Variants in STK32B observed in about 807,000 individuals in gnomAD.
The protein encoded by STK32B is serine/threonine-protein kinase 32B.
A neutral mutation model predicts 52.6 loss-of-function variants in STK32B; 43 were observed. The ratio of observed to expected loss-of-function variants is 0.82; its 90% CI spans 0.64 to 1.05. The LOEUF (loss-of-function observed/expected upper bound fraction) is 1.05, where lower values mean the gene tolerates loss of function less well. Ranked by LOEUF, STK32B falls within the 50% of genes least tolerant of loss-of-function variation. The pLI is 0.00. For missense variants in STK32B, 621 were observed against 534.6 expected (o/e 1.16, Z -1.59); for synonymous variants, 238 against 204.3 (o/e 1.17, Z -1.41).
At chr4:5,443,972 C>A (rs1192843393) in intron 6 of STK32B, among the ~76,000 whole-genome samples, 1 of 152,202 alleles carries the variant, frequency 6.6e-6, no homozygotes, top group Non-Finnish European at 1.5e-5. Context: ...AGATCTCCAG[C>A]TGCGTGCTGG....
rs75050325 is a variant in STK32B at position 5,107,520 on chromosome 4, A to C, written c.53-32385A>C. On this transcript the variant is annotated intron_variant, in intron 1 of 11. Coordinates refer to ENST00000282908, the MANE Select transcript of STK32B (RefSeq NM_018401.3). ...GGAGTTAGGCAGGGACAATCTTATG[A>C]GGGTAAAATCCCTCATCAACTTTCC... Among the ~76,000 whole-genome samples the C allele has an allele frequency of 9.6e-3, 1,456 of 152,276 alleles. 20 individuals carry two copies. The highest frequency in any genetic ancestry group is 0.032 in the African/African-American group (1,344 of 41,562).
chr4:5,287,893 C>G (rs1728654459), intron 3 of STK32B, among the ~76,000 whole-genome samples: 1 of 152,114 alleles, frequency 6.6e-6, no homozygotes, highest in African/African-American at 2.4e-5. Flanking sequence ...TAAAAGAAAT[C>G]TGATCTCCAT....
intron 3 of STK32B, among the ~76,000 whole-genome samples, chr4:5,178,426 G>A (rs560843462): frequency 6.6e-6 from 1 of 152,294 alleles, no homozygotes; most frequent in Admixed American, 6.5e-5. Context: ...GTGATGGGAG[G>A]GGCTGCTGTG....
intron 4 of STK32B, among the ~76,000 whole-genome samples, chr4:5,382,989 G>A (rs1178077932): frequency 6.6e-6 from 1 of 152,162 alleles, no homozygotes; most frequent in Non-Finnish European, 1.5e-5. Context: ...GATACTCACA[G>A]AGAGATTGGG....
chr4:5,375,397 G>A (rs967652841), intron 4 of STK32B, among the ~76,000 whole-genome samples: 2 of 152,116 alleles, frequency 1.3e-5, no homozygotes, highest in Non-Finnish European at 2.9e-5. Flanking sequence ...TAGACTTGTT[G>A]ATAAATCTGC....
chr4:5,338,565 C>G (rs1732859814), intron 4 of STK32B, among the ~76,000 whole-genome samples: 1 of 151,292 alleles, frequency 6.6e-6, no homozygotes, highest in Non-Finnish European at 1.5e-5. Flanking sequence ...GTCCAAATTC[C>G]CTGAGACACT....
At chr4:5,187,733 A>G (rs1413734559) in intron 3 of STK32B, among the ~76,000 whole-genome samples, 2 of 152,148 alleles carry the variant, frequency 1.3e-5, no homozygotes, top group African/African-American at 4.8e-5. Context: ...ATTTCTGAAG[A>G]TTTAGCATTT....
At chr4:5,097,561 A>G (rs1387166861) in intron 1 of STK32B, among the ~76,000 whole-genome samples, 2 of 152,190 alleles carry the variant, frequency 1.3e-5, no homozygotes, top group East Asian at 3.9e-4. Flanking sequence ...TTTAGCTTCC[A>G]GACACCAGAT....
chr4:5,496,449 AG>A (rs1440445333), intron 11 of STK32B, among the ~76,000 whole-genome samples: 7 of 152,092 alleles, frequency 4.6e-5, no homozygotes, highest in African/African-American at 1.7e-4. Flanking sequence ...TTGGGGTGGG[AG>A]TGACCCGATT....
intron 3 of STK32B, among the ~76,000 whole-genome samples, chr4:5,266,665 TCTTAG>T (rs1233203925): frequency 6.6e-6 from 1 of 152,216 alleles, no homozygotes; most frequent in Non-Finnish European, 1.5e-5. Flanking sequence ...CACTTATCTC[TCTTAG>T]CTTGGCTTGC....
intron 2 of STK32B, among the ~76,000 whole-genome samples, chr4:5,158,743 C>T (rs989577966): frequency 6.6e-5 from 10 of 152,126 alleles, no homozygotes; most frequent in Non-Finnish European, 7.4e-5. Context: ...CTTCTCCCTG[C>T]GTCCTCACAT....
chr4:5,049,878 C>T (rs1451322925), upstream of STK32B, among the ~76,000 whole-genome samples: 4 of 152,188 alleles, frequency 2.6e-5, no homozygotes, highest in African/African-American at 7.2e-5. Flanking sequence ...TGAGCCCCCA[C>T]GCCCGGCCTA....
chr4:5,398,147 C>G lies in STK32B; in HGVS notation c.435-60C>G, dbSNP rs1055249656. ...GCATTTGTCCTGATGTGGTGCTTGTCTATGTGCTCATCTGTGGGCTCAGGA... is the reference window on the plus strand; with the variant it reads ...GCATTTGTCCTGATGTGGTGCTTGTGTATGTGCTCATCTGTGGGCTCAGGA... On this transcript the variant is annotated intron_variant, in intron 4 of 11. Transcript: ENST00000282908. The surrounding 1 kb of genome is among the most constrained non-coding windows in gnomAD (Gnocchi z 4.9). 12 of 1,598,340 alleles carry G rather than the reference C, an allele frequency of 7.5e-6. No individual in the cohort carries two copies. Among genetic ancestry groups the G allele is most frequent in the Admixed American group, 6.7e-5 (4 of 59,456 alleles).
At chr4:5,100,752 CCCTCCCT>C (rs1237682324) in intron 1 of STK32B, among the ~76,000 whole-genome samples, 1 of 118,270 alleles carries the variant, frequency 8.5e-6, no homozygotes, top group Non-Finnish European at 1.7e-5. Context: ...CCTCCCTCCT[CCCTCCCT>C]CCTCCCTCCC....
intron 3 of STK32B, among the ~76,000 whole-genome samples, chr4:5,245,599 A>G (rs907737050): frequency 6.6e-6 from 1 of 152,066 alleles, no homozygotes; most frequent in Non-Finnish European, 1.5e-5. Flanking sequence ...TTATGTGTGA[A>G]TTTGATCCTG....
chr4:5,365,748 C>A (rs1441946207), intron 4 of STK32B, among the ~76,000 whole-genome samples: 1 of 152,152 alleles, frequency 6.6e-6, no homozygotes, highest in Non-Finnish European at 1.5e-5. Context: ...GGGAGCTTGT[C>A]TTTGCTGTTG....
At chr4:5,064,265 TATATG>T (rs1467949646) in intron 1 of STK32B, among the ~76,000 whole-genome samples, 1 of 64,436 alleles carries the variant, frequency 1.6e-5, no homozygotes, top group South Asian at 4.6e-4. Flanking sequence ...TATAAAAACA[TATATG>T]ATATATATTT....
chr4:5,357,074 C>T (rs1322359103), intron 4 of STK32B, among the ~76,000 whole-genome samples: 7 of 141,060 alleles, frequency 5.0e-5, no homozygotes, highest in Non-Finnish European at 1.0e-4. Context: ...CACACATATA[C>T]ACACACACAC....
intron 3 of STK32B, among the ~76,000 whole-genome samples, chr4:5,258,803 C>A (rs1726508698): frequency 6.6e-6 from 1 of 152,166 alleles, no homozygotes; most frequent in Admixed American, 6.5e-5. Flanking sequence ...TGCAGGGGAT[C>A]CTATTAAAAC....
Sources: gnomAD v4.1 joint callset for allele counts (sites outside exome capture counted in the v4.1 genomes callset) on GRCh38, gnomAD v4.1.1 for gene constraint, Gnocchi (gnomAD v3.1) non-coding constraint, MANE v1.5 for transcripts, NCBI Gene and HGNC (gene_info 2026-07-23, HGNC 2026-07-21) for gene names.